Variants in CHD8 observed in about 807,000 individuals in gnomAD.
The protein encoded by CHD8 is ATP-dependent chromatin remodeler CHD8.
In CHD8, 31 loss-of-function variants were observed where a neutral mutation model predicts 279.2. The observed-to-expected ratio is 0.11, with a 90% CI of 0.08 to 0.15. The LOEUF (loss-of-function observed/expected upper bound fraction) is 0.15. CHD8 is among the 10% of genes least tolerant of loss of function. The pLI is 1.00. For missense variants in CHD8, 2,146 were observed against 3,230.5 expected, an observed-to-expected ratio of 0.66 and a Z score of 8.14; for synonymous variants, 1,081 against 1,139.6, an observed-to-expected ratio of 0.95 and a Z score of 1.04.
chr14:21,423,499 G>T (rs559491217), intron 5 of CHD8, among the ~76,000 whole-genome samples: 203 of 152,130 alleles, frequency 1.3e-3, no homozygotes, highest in African/African-American at 4.6e-3. Flanking sequence ...TTGCATGGGG[G>T]ATTTAGCTTC....
Position 21,427,274 on chromosome 14 carries a change from T to A in CHD8, c.1601+595A>T, listed in dbSNP as rs527247677. On this transcript the variant is annotated intron_variant, in intron 4 of 37. Coordinates refer to ENST00000646647, the MANE Select transcript of CHD8 (RefSeq NM_001170629.2). ...CATCACAATAGCAAGGAGTACTCAA[T>A]CTTGAGCTTGCTCTTGCCCGTCCCA... 164 of 278,894 alleles carry A rather than the reference T, an allele frequency of 5.9e-4. 1 individual carries two copies. In the Middle Eastern group the frequency reaches 0.012, roughly 20 times the overall value. The allele number at this position is 278,894 out of a possible 1,614,324, so 17.3% of individuals were successfully genotyped here.
chr14:21,455,398 TAATGCAA>T (rs1890362921), intron 1 of CHD8, among the ~76,000 whole-genome samples: 1 of 152,168 alleles, frequency 6.6e-6, no homozygotes, highest in Non-Finnish European at 1.5e-5. Flanking sequence ...CGAGTTTACA[TAATGCAA>T]CGGAAAACCA....
chr14:21,391,041 T>A lies in CHD8; in HGVS notation c.7088A>T (p.Gln2363Leu), dbSNP rs778041888. 5.0e-6 allele frequency: 8 copies of A among 1,588,642 alleles called. No homozygotes were observed. The highest frequency in any genetic ancestry group is 6.9e-6 in the Non-Finnish European group (8 of 1,166,130). The change falls in exon 37 of 38, where the codon CAG becomes CTG. Residue 2363 changes from glutamine to leucine, a missense_variant. Transcript: ENST00000646647. ...ATTTTTTTTACATCTTTGCCACTTCTGTTTTCTGCGATCCTCCATATACTG... is the reference window on the plus strand; with the variant it reads ...ATTTTTTTTACATCTTTGCCACTTCAGTTTTCTGCGATCCTCCATATACTG... The part of the protein sequence containing the change: ...FLAYMEDRRK[Q>L]KWQRCKKNNK...
At chr14:21,386,255 C>T (rs1797963696) in intron 37 of CHD8, 79 bp from the exon 38 acceptor site, 2 of 1,336,382 alleles carry the variant, frequency 1.5e-6, no homozygotes, top group Non-Finnish European at 1.0e-6. Context: ...AGAGTCCTAG[C>T]TTACAATGCT....
At chr14:21,454,198 A>AAAAGAAAAGAAAAGAAAAGG (rs1890328737) in intron 1 of CHD8, among the ~76,000 whole-genome samples, 2 of 150,090 alleles carry the variant, frequency 1.3e-5, no homozygotes, top group African/African-American at 2.5e-5. Context: ...AAAAGAAAAG[A>AAAAGAAAAGAAAAGAAAAGG]AAAGAAAAGA....
intron 2 of CHD8, 158 bp from the exon 3 acceptor site, chr14:21,429,493 T>C (rs763755663): frequency 2.4e-6 from 2 of 844,122 alleles, no homozygotes; most frequent in Middle Eastern, 2.2e-4. Flanking sequence ...CTTGATGCAA[T>C]CTTTTTTGTT....
chr14:21,393,629 G>A lies in CHD8; in HGVS notation c.6166C>T (p.Arg2056Trp), dbSNP rs769828519. ...TCCAGTTTGACTGGTGGAACACTCCGGGAAACCAGAGGGGTAGTATCAGAG... is the reference window on the plus strand; with the variant it reads ...TCCAGTTTGACTGGTGGAACACTCCAGGAAACCAGAGGGGTAGTATCAGAG... ...SPSDTTPLVSRSVPPVKLEDE... is the reference protein window; with the variant it reads ...SPSDTTPLVSWSVPPVKLEDE... Residue 2056 changes from arginine to tryptophan, a missense_variant, in exon 32 of 38, where the codon CGG (arginine) becomes TGG (tryptophan). Transcript: ENST00000646647. The A allele has an allele frequency of 1.7e-5, 28 of 1,613,910 alleles. No individual in the cohort carries two copies. Among genetic ancestry groups the A allele is most frequent in the East Asian group, 2.2e-5 (1 of 44,868 alleles).
At chr14:21,455,251 C>G (rs1197719166) in intron 1 of CHD8, 1 of 152,190 alleles carries the variant, frequency 6.6e-6, no homozygotes, top group Non-Finnish European at 1.5e-5. Context: ...AGACCCTAAC[C>G]GCTTCAAGAC....
At chr14:21,404,748 C>T (rs1888190266) in intron 16 of CHD8, 2 of 158,526 alleles carry the variant, frequency 1.3e-5, no homozygotes, top group Non-Finnish European at 2.8e-5. Flanking sequence ...CAATTCTAAA[C>T]AGCAAATCCT....
chr14:21,436,847 G>T, intron 1 of CHD8: 1 of 644,356 alleles, frequency 1.6e-6, no homozygotes, highest in Non-Finnish European at 2.4e-6. Flanking sequence ...GTGAGGGGTT[G>T]ATGGAGAGGA....
intron 1 of CHD8, among the ~76,000 whole-genome samples, chr14:21,448,752 G>C (rs1890184932): frequency 6.6e-6 from 1 of 151,326 alleles, no homozygotes; most frequent in Non-Finnish European, 1.5e-5. Flanking sequence ...TAGTAGAGAC[G>C]GGGGTTTTCA....
chr14:21,416,968 C>T (rs1346531554), intron 5 of CHD8, among the ~76,000 whole-genome samples: 2 of 152,028 alleles, frequency 1.3e-5, no homozygotes, highest in African/African-American at 2.4e-5. Context: ...GGCCTGGTGG[C>T]GGATGCCTTT....
chr14:21,393,082 TC>T (rs747258416), intron 33 of CHD8, 23 bp downstream of exon 33: 1 of 1,611,562 alleles, frequency 6.2e-7, no homozygotes, highest in South Asian at 1.1e-5. Context: ...ACTCTACATG[TC>T]CAGGGATGAG....
Position 21,431,944 on chromosome 14 carries a change from A to C in CHD8, c.-215-86T>G, listed in dbSNP as rs1413222295. The C allele has an allele frequency of 1.3e-6, 1 of 796,454 alleles. No individual in the cohort carries two copies. Among genetic ancestry groups the C allele is most frequent in the Non-Finnish European group, 2.2e-6 (1 of 454,008 alleles). The allele number at this position is 796,454 out of a possible 1,614,324, so 49.3% of individuals were successfully genotyped here. A position where few individuals can be genotyped will look rare whatever the true frequency, so the allele number is the denominator to read the frequency against. On this transcript the variant is annotated intron_variant, in intron 1 of 37. Transcript: ENST00000646647. The stretch of plus-strand genomic sequence containing the variant: ...TTTCCCTTCTTACGTACTGTTCTTA[A>C]TATCAAATAGCATGAATATAAGAGG...
intron 5 of CHD8, among the ~76,000 whole-genome samples, chr14:21,417,530 A>T (rs1888778626): frequency 6.6e-6 from 1 of 152,126 alleles, no homozygotes; most frequent in Non-Finnish European, 1.5e-5. Context: ...AGCCTGGGCA[A>T]CACAGTGAGA....
At chr14:21,397,094 T>C (rs112902986) in intron 27 of CHD8, 2,429 of 191,808 alleles carry the variant, frequency 0.013, 26 homozygotes, top group Non-Finnish European at 0.022. Flanking sequence ...TATTATTTCA[T>C]TTGTATGGTT....
rs186117922 is a variant in CHD8 at position 21,418,541 on chromosome 14, C to T, written c.1717-2634G>A. 8.6e-5 allele frequency among the ~76,000 whole-genome samples: 13 copies of T among 151,496 alleles called. No individual in the cohort carries two copies. The South Asian group carries it at 1.3e-3, about 15-fold the overall frequency. ...TCAAAAAATAAATAAAATAGCCAGG[C>T]GCGGTGGCCCACGCCTGTAATCCCA... On this transcript the variant is annotated intron_variant, in intron 5 of 37. Coordinates refer to ENST00000646647, the MANE Select transcript of CHD8 (RefSeq NM_001170629.2).
Position 21,402,369 on chromosome 14 carries a change from T to C in CHD8, c.3849A>G (p.Gln1283=), listed in dbSNP as rs761243847. The C allele has an allele frequency of 5.0e-6, 8 of 1,613,918 alleles. No individual in the cohort carries two copies. In the Admixed American group the frequency reaches 8.3e-5, roughly 17 times the overall value. ...LKLGLDKAVL[Q]SMSGRDGNIT... ...TGTTGCCATCCCGACCACTCATGGA[T>C]TGAAGCACAGCCTTATCCAACCCCA... Residue 1283 remains glutamine, a synonymous_variant, in exon 19 of 38, where the codon CAA becomes CAG. Coordinates refer to ENST00000646647, the MANE Select transcript of CHD8 (RefSeq NM_001170629.2). This position sits in a 1 kb window ranked among gnomAD's most constrained non-coding sequence, Gnocchi z 4.5.
intron 1 of CHD8, among the ~76,000 whole-genome samples, chr14:21,435,552 A>G (rs1397325803): frequency 1.3e-5 from 2 of 152,110 alleles, no homozygotes; most frequent in African/African-American, 4.8e-5. Flanking sequence ...CCTATGATAA[A>G]GTATTTTGTT....
Sources: gnomAD v4.1 joint callset for allele counts (sites outside exome capture counted in the v4.1 genomes callset) on GRCh38, gnomAD v4.1.1 for gene constraint, Gnocchi (gnomAD v3.1) non-coding constraint, MANE v1.5 for transcripts, NCBI Gene and HGNC (gene_info 2026-07-23, HGNC 2026-07-21) for gene names.